Variants in CDKL3 observed in about 807,000 individuals in gnomAD.
CDKL3 encodes cyclin-dependent kinase-like 3.
A neutral mutation model predicts 69.3 loss-of-function variants in CDKL3; 65 were observed. The observed-to-expected ratio is 0.94, with a 90% CI of 0.77 to 1.15. CDKL3 has a LOEUF of 1.15. Ranked by LOEUF, CDKL3 falls within the 50% of genes most tolerant of loss-of-function variation. CDKL3 has a pLI of 0.00. For missense variants in CDKL3, 652 were observed against 689.2 expected (o/e 0.95, Z 0.61); for synonymous variants, 202 against 221.6 (o/e 0.91, Z 0.79).
chr5:134,360,783 A>ACAAT (rs1755815031), intron 2 of CDKL3, among the ~76,000 whole-genome samples: 1 of 152,218 alleles, frequency 6.6e-6, no homozygotes, highest in Non-Finnish European at 1.5e-5. Flanking sequence ...GGATTTCAAC[A>ACAAT]CGATTAAGTA....
chr5:134,292,261 T>G (rs1561484259), intron 8 of CDKL3, among the ~76,000 whole-genome samples: 1 of 152,134 alleles, frequency 6.6e-6, no homozygotes, highest in African/African-American at 2.4e-5. Flanking sequence ...ATTAACATAA[T>G]ATAGAGTATA....
chr5:134,302,144 T>C, intron 12 of CDKL3: 1 of 456,248 alleles, frequency 2.2e-6, no homozygotes, highest in Non-Finnish European at 4.4e-6. Context: ...GATTACCTGA[T>C]AGTTAGCTGA....
intron 3 of CDKL3, among the ~76,000 whole-genome samples, chr5:134,355,597 T>C (rs1754405816): frequency 6.6e-6 from 1 of 152,236 alleles, no homozygotes; most frequent in African/African-American, 2.4e-5. Context: ...ATTATAAATT[T>C]CTTTTATAAA....
At chr5:134,371,473 TCGG>T (rs34763898), upstream of CDKL3, 59,157 of 1,126,808 alleles carry the variant, frequency 0.052, 1,619 homozygotes, top group East Asian at 0.079. Flanking sequence ...TTTGTCAGTC[TCGG>T]CGGCGGCGGC....
chr5:134,350,831 GAA>G (rs112330114), intron 3 of CDKL3, among the ~76,000 whole-genome samples: 9 of 82,432 alleles, frequency 1.1e-4, no homozygotes, highest in East Asian at 7.7e-4. Context: ...AGAAAAAAAA[GAA>G]AAAAAAAAAA....
At chr5:134,352,916 TTTTTG>T (rs1439487071) in intron 3 of CDKL3, among the ~76,000 whole-genome samples, 20 of 152,348 alleles carry the variant, frequency 1.3e-4, no homozygotes, top group African/African-American at 4.3e-4. Flanking sequence ...TGCAGAAGTT[TTTTTG>T]TTTAATGTAA....
chr5:134,311,683 A>C (rs1269324639), intron 7 of CDKL3, among the ~76,000 whole-genome samples: 2 of 152,232 alleles, frequency 1.3e-5, no homozygotes, highest in Non-Finnish European at 2.9e-5. Flanking sequence ...ATTTAATGTT[A>C]TCTCTGGTCT....
chr5:134,303,937 A>ATT (rs201638912), intron 11 of CDKL3, among the ~76,000 whole-genome samples: 10 of 147,388 alleles, frequency 6.8e-5, no homozygotes, highest in Middle Eastern at 3.5e-3. Context: ...TTAAAAAAAA[A>ATT]TTTTTTTTTT....
At chr5:134,358,295 G>A (rs1211737223) in intron 3 of CDKL3, among the ~76,000 whole-genome samples, 1 of 152,028 alleles carries the variant, frequency 6.6e-6, no homozygotes, top group Non-Finnish European at 1.5e-5. Context: ...TTTTCACAAT[G>A]GTACCCCACC....
At chr5:134,301,190 GT>G (rs1199719589) in intron 12 of CDKL3, among the ~76,000 whole-genome samples, 2 of 152,064 alleles carry the variant, frequency 1.3e-5, no homozygotes, top group Non-Finnish European at 2.9e-5. Flanking sequence ...TAGAGAAGGG[GT>G]TTCACCACAT....
At chr5:134,351,349 G>C (rs892594101) in intron 3 of CDKL3, among the ~76,000 whole-genome samples, 3 of 152,020 alleles carry the variant, frequency 2.0e-5, no homozygotes, top group African/African-American at 7.2e-5. Flanking sequence ...TTGGTTATAG[G>C]GACAACACTC....
Position 134,326,845 on chromosome 5 carries a change from A to G in CDKL3, c.540-4942T>C, listed in dbSNP as rs867751504. 2.1e-3 allele frequency among the ~76,000 whole-genome samples: 266 copies of G among 125,550 alleles called. 7 individuals are homozygous for G. The Middle Eastern group carries it at 0.024, about 12-fold the overall frequency. The allele number at this position is 125,550 out of a possible 152,430, so 82.4% of individuals were successfully genotyped here. ...TATATATATATATATATATATATAT[A>G]TATATATATATATATATATATACAC... is the stretch of plus-strand genomic sequence containing the variant. On this transcript the variant is annotated intron_variant, in intron 4 of 12. Transcript: ENST00000265334.
At chr5:134,360,136 T>C (rs374842844) in intron 2 of CDKL3, 45 bp from the exon 3 acceptor site, 24 of 1,270,928 alleles carry the variant, frequency 1.9e-5, no homozygotes, top group Non-Finnish European at 2.5e-5. Flanking sequence ...ATTTCAAGCC[T>C]AACAATTTGT....
intron 10 of CDKL3, among the ~76,000 whole-genome samples, chr5:134,305,243 A>G (rs1263651700): frequency 6.6e-6 from 1 of 151,992 alleles, no homozygotes; most frequent in Non-Finnish European, 1.5e-5. Context: ...CCCGAGTCTG[A>G]AACCACAGCC....
rs1198244939 is a variant in CDKL3 at position 134,303,450 on chromosome 5, T to C, written c.1622-763A>G. ...TTTCTGCTACTATATGGGTAAATGATCATGAAGAAACATAGAAAGGCAATT... is the reference window on the plus strand; with the variant it reads ...TTTCTGCTACTATATGGGTAAATGACCATGAAGAAACATAGAAAGGCAATT... On this transcript the variant is annotated intron_variant, in intron 11 of 12. Transcript: ENST00000265334. 2.6e-5 allele frequency among the ~76,000 whole-genome samples: 4 copies of C among 152,266 alleles called. No individual in the cohort carries two copies. The East Asian group carries it at 5.8e-4, about 22-fold the overall frequency.
chr5:134,337,027 T>C (rs1407715165), intron 4 of CDKL3, among the ~76,000 whole-genome samples: 1 of 152,140 alleles, frequency 6.6e-6, no homozygotes, highest in African/African-American at 2.4e-5. Context: ...ACTGTGAGCA[T>C]AGAACCGCCT....
rs140432018 is a variant in CDKL3, at chr5:134,292,676, G to A, written c.*678-6117C>T. On this transcript the variant is annotated intron_variant and NMD_transcript_variant, in intron 8 of 8. Coordinates refer to the CDKL3 transcript ENST00000519312. ...GCAGTTCTTTGAAAAGATTAGCAAA[G>A]TTGATAAACCTCTATCTAGACTTAC... is the stretch of plus-strand genomic sequence containing the variant. 2.9e-4 allele frequency among the ~76,000 whole-genome samples: 44 copies of A among 151,860 alleles called. 2 individuals carry two copies. In the East Asian group the frequency reaches 8.5e-3, roughly 29 times the overall value.
In CDKL3 at chr5:134,308,210, G is replaced by A. The variant is rs752495921; in HGVS notation, c.1292C>T (p.Pro431Leu). 8 of 1,613,772 alleles carry A rather than the reference G, an allele frequency of 5.0e-6. No individual in the cohort carries two copies. The African/African-American group carries it at 8.0e-5, about 16-fold the overall frequency. Residue 431 changes from proline to leucine, a missense_variant, in exon 9 of 13, where the codon CCA becomes CTA. Transcript: ENST00000265334. ...ATTACTGTTAGTTAGATTGATGGGT[G>A]GCATTGTCACAGAACCTCCGCAATG... ...NPHCGGSVTM[P>L]PINLTNSNLM...
In CDKL3 at chr5:134,291,871, A is replaced by G. The variant is rs186204293; in HGVS notation, c.*678-5312T>C. On this transcript the variant is annotated intron_variant and NMD_transcript_variant, in intron 8 of 8. Coordinates refer to the CDKL3 transcript ENST00000519312. Reference sequence around the variant, plus strand: ...ACCTTAAATAATAATAAAACTGTATAAAATATATAAAACAACTGTTTTCAG... The same window carrying G: ...ACCTTAAATAATAATAAAACTGTATGAAATATATAAAACAACTGTTTTCAG... Among the ~76,000 whole-genome samples, 377 of 152,344 alleles carry G rather than the reference A, an allele frequency of 2.5e-3. 1 individual carries two copies. The highest frequency in any genetic ancestry group is 4.0e-3 in the Non-Finnish European group (269 of 68,042).
Sources: allele counts gnomAD v4.1 joint callset (sites outside exome capture counted in the v4.1 genomes callset), GRCh38; gene constraint gnomAD v4.1.1; transcripts MANE v1.5; gene names NCBI Gene and HGNC (gene_info 2026-07-23, HGNC 2026-07-21).